LAMA1: variants seen among roughly 807,000 people sequenced by gnomAD.
The protein encoded by LAMA1 is laminin subunit alpha 1.
A neutral mutation model predicts 348.7 loss-of-function variants in LAMA1; 219 were observed. The observed-to-expected ratio is 0.63, with a 90% CI of 0.56 to 0.70. The LOEUF is 0.70. Among genes scored for constraint, LAMA1 ranks in the 30% least tolerant of loss-of-function variants. The pLI, the probability that LAMA1 is intolerant of heterozygous loss-of-function variation, is 0.00. For missense variants in LAMA1, 3,744 were observed against 3,888.0 expected (o/e 0.96, Z 0.99); for synonymous variants, 1,487 against 1,491.0 (o/e 1.00, Z 0.06).
Position 7,106,889 on chromosome 18 carries a change from C to T in LAMA1, c.61+10771G>A, listed in dbSNP as rs116782580. The stretch of plus-strand genomic sequence containing the variant: ...AAAGGAAGCCTAAGGGAAACAGCCA[C>T]CACCCACCAACAGTGGCATATGATG... On this transcript the variant is annotated intron_variant, in intron 1 of 62. Coordinates refer to ENST00000389658, the MANE Select transcript of LAMA1 (RefSeq NM_005559.4). 4.2e-3 allele frequency among the ~76,000 whole-genome samples: 646 copies of T among 152,112 alleles called. 3 individuals are homozygous for T. Among genetic ancestry groups the T allele is most frequent in the African/African-American group, 0.014 (567 of 41,488 alleles).
At chr18:7,078,323 C>A (rs1024172212) in intron 3 of LAMA1, among the ~76,000 whole-genome samples, 2 of 151,030 alleles carry the variant, frequency 1.3e-5, no homozygotes, top group African/African-American at 4.9e-5. Context: ...CCTGCCACCA[C>A]GCCCAGCTAA....
rs2057889117 is a variant in LAMA1, at chr18:7,016,587, C to T, written c.2893G>A (p.Asp965Asn). The T allele has an allele frequency of 1.2e-6, 2 of 1,614,212 alleles. No individual in the cohort carries two copies. The highest frequency in any genetic ancestry group is 1.7e-6 in the Non-Finnish European group (2 of 1,180,044). Residue 965 changes from aspartate to asparagine, a missense_variant, in exon 21 of 63, where the codon GAT becomes AAT. By Grantham distance (23) the Asp-to-Asn change is conservative (BLOSUM62 1). Transcript: ENST00000389658. ...VAGSVSDGCT[D>N]EGQCHCVPGV... ...GGGACACAGTGACACTGGCCTTCATCCGTGCAGCCATCTGACACGGAGCCT... is the reference window on the plus strand; with the variant it reads ...GGGACACAGTGACACTGGCCTTCATTCGTGCAGCCATCTGACACGGAGCCT...
chr18:7,092,642 A>G (rs1568064712), intron 1 of LAMA1, among the ~76,000 whole-genome samples: 2 of 151,966 alleles, frequency 1.3e-5, no homozygotes, highest in East Asian at 1.9e-4. Flanking sequence ...AAAAAAAAAA[A>G]AAAGAATGCC....
intron 25 of LAMA1, among the ~76,000 whole-genome samples, chr18:7,010,910 AATG>A (rs2057856773): frequency 1.3e-5 from 2 of 152,324 alleles, no homozygotes; most frequent in South Asian, 2.1e-4. Flanking sequence ...CATACCACGT[AATG>A]ATATTTCAGT....
In LAMA1 at chr18:7,041,489, C is replaced by T. The variant is rs546979876; in HGVS notation, c.1261+656G>A. Among the ~76,000 whole-genome samples, 19 of 152,132 alleles carry T rather than the reference C, an allele frequency of 1.2e-4. 1 individual carries two copies. Among genetic ancestry groups the T allele is most frequent in the Non-Finnish European group, 2.1e-4 (14 of 68,034 alleles). ...GGGGGGCCCACCCATCCCTACTGGT[C>T]GATATCCATTTTAACTGCCAGTGGC... On this transcript the variant is annotated intron_variant, in intron 9 of 62. Coordinates refer to ENST00000389658, the MANE Select transcript of LAMA1 (RefSeq NM_005559.4).
intron 1 of LAMA1, among the ~76,000 whole-genome samples, chr18:7,094,366 G>C (rs768567952): frequency 2.0e-5 from 3 of 148,356 alleles, no homozygotes; most frequent in African/African-American, 7.5e-5. Context: ...GGAGGTTGCA[G>C]TGAGCCTAGA....
At chr18:6,977,365 C>T (rs2057687306) in intron 44 of LAMA1, among the ~76,000 whole-genome samples, 2 of 152,206 alleles carry the variant, frequency 1.3e-5, no homozygotes, top group Non-Finnish European at 2.9e-5. Flanking sequence ...GAAGAACTAA[C>T]ACCACATGCA....
rs2058188698 is a variant in LAMA1, at chr18:7,080,424, T to C, written c.95A>G (p.Asn32Ser). The change falls in exon 2 of 63, where the codon AAT (asparagine) becomes AGT (serine). Residue 32 changes from asparagine to serine, a missense_variant. Asn to Ser is a conservative substitution (Grantham distance 46). Around this residue, in one of 3 missense-constraint regions of LAMA1, gnomAD observed 1,529 missense variants for 1,689.4 expected, o/e 0.91. Coordinates refer to ENST00000389658, the MANE Select transcript of LAMA1 (RefSeq NM_005559.4). Reference sequence around the variant, plus strand: ...GGTGGCATTGGTGCTGATGTGAGCATTGCTGGCAAGATTGAGAATGGCAGG... The same window carrying C: ...GGTGGCATTGGTGCTGATGTGAGCACTGCTGGCAAGATTGAGAATGGCAGG... ...LFPAILNLAS[N>S]AHISTNATCG... The C allele has an allele frequency of 6.2e-7, 1 of 1,614,242 alleles. No individual in the cohort carries two copies. Among genetic ancestry groups the C allele is most frequent in the Middle Eastern group, 1.6e-4 (1 of 6,062 alleles).
intron 6 of LAMA1, 35 bp downstream of exon 6, chr18:7,046,243 G>A (rs1598295871): frequency 1.5e-6 from 2 of 1,340,334 alleles, no homozygotes; most frequent in South Asian, 1.2e-5. Context: ...TTTCTGTTTT[G>A]AAGTTTTAGT....
chr18:7,069,814 T>C (rs1345570087), intron 3 of LAMA1, among the ~76,000 whole-genome samples: 4 of 150,166 alleles, frequency 2.7e-5, no homozygotes, highest in Non-Finnish European at 4.4e-5. Context: ...CTCCTCCAGC[T>C]GCCCCAGAGA....
At chr18:7,095,331 A>G (rs1398107849) in intron 1 of LAMA1, among the ~76,000 whole-genome samples, 1 of 152,188 alleles carries the variant, frequency 6.6e-6, no homozygotes, top group Non-Finnish European at 1.5e-5. Context: ...CTTAAATCAC[A>G]TTTATGCGAG....
chr18:6,974,358 A>C (rs2057671736), intron 46 of LAMA1, among the ~76,000 whole-genome samples: 2 of 152,180 alleles, frequency 1.3e-5, no homozygotes, highest in South Asian at 4.1e-4. Flanking sequence ...TGAATGGATA[A>C]AGAAAATGTG....
intron 1 of LAMA1, among the ~76,000 whole-genome samples, chr18:7,100,426 T>C (rs1335548914): frequency 1.3e-5 from 2 of 152,174 alleles, no homozygotes; most frequent in African/African-American, 4.8e-5. Context: ...GCAGACACTT[T>C]GGAAAACACA....
chr18:7,082,560 T>A (rs2143786721), intron 1 of LAMA1, among the ~76,000 whole-genome samples: 1 of 152,370 alleles, frequency 6.6e-6, no homozygotes, highest in Non-Finnish European at 1.5e-5. Flanking sequence ...GGCTGACGTT[T>A]ATTCTATTTA....
At chr18:7,095,338 C>CGAGCCTTGTTTAAT (rs879764373) in intron 1 of LAMA1, among the ~76,000 whole-genome samples, 19 of 152,146 alleles carry the variant, frequency 1.2e-4, no homozygotes, top group Non-Finnish European at 2.5e-4. Context: ...CACATTTATG[C>CGAGCCTTGTTTAAT]GAGCCTTGTT....
chr18:6,999,402 G>A, intron 32 of LAMA1, 43 bp downstream of exon 32: 3 of 1,600,144 alleles, frequency 1.9e-6, no homozygotes, highest in Non-Finnish European at 2.6e-6. Context: ...GACACATTTG[G>A]GAGGAAAAAC....
At chr18:6,970,551 C>T (rs1393028424) in intron 48 of LAMA1, among the ~76,000 whole-genome samples, 1 of 151,900 alleles carries the variant, frequency 6.6e-6, no homozygotes, top group African/African-American at 2.4e-5. Flanking sequence ...GGGCCAGAAG[C>T]CTGAGAAACT....
At chr18:7,040,379 C>T in intron 9 of LAMA1, 143 bp from the exon 10 acceptor site, 2 of 791,942 alleles carry the variant, frequency 2.5e-6, no homozygotes, top group Admixed American at 3.8e-5. Context: ...CTGCTCAGCT[C>T]AGCCATTATT....
chr18:7,031,890 C>CA lies in LAMA1; in HGVS notation c.2274+175dup, dbSNP rs374131975. On this transcript the variant is annotated intron_variant, in intron 16 of 62. Coordinates refer to ENST00000389658, the MANE Select transcript of LAMA1 (RefSeq NM_005559.4). Reference sequence around the variant, plus strand: ...AAAGTAACTTTTTTCAAAAAAAAAACAAAAAAAAAAACGGGAAACATTTCA... The same window carrying CA: ...AAAGTAACTTTTTTCAAAAAAAAAACAAAAAAAAAAAACGGGAAACATTTCA... Among the ~76,000 whole-genome samples the CA allele has an allele frequency of 5.1e-3, 710 of 138,346 alleles. 8 individuals are homozygous for CA. The highest frequency in any genetic ancestry group is 0.016 in the African/African-American group (606 of 38,534). The allele number at this position is 138,346 out of a possible 152,430, so 90.8% of individuals were successfully genotyped here. A position where few individuals can be genotyped will look rare whatever the true frequency, so the allele number is the denominator to read the frequency against.
Sources: allele counts gnomAD v4.1 joint callset (sites outside exome capture counted in the v4.1 genomes callset), GRCh38; gene constraint gnomAD v4.1.1; regional missense constraint gnomAD v4.1.1; transcripts MANE v1.5; gene names NCBI Gene and HGNC (gene_info 2026-07-23, HGNC 2026-07-21).